The following SAMD12 variants were observed in gnomAD, a reference collection of about 807,000 sequenced individuals.
The protein encoded by SAMD12 is sterile alpha motif domain-containing protein 12.
In SAMD12, 9 loss-of-function variants were observed where a neutral mutation model predicts 15.0. That is an observed-to-expected ratio of 0.60 (90% confidence interval 0.36 to 1.05). The LOEUF (loss-of-function observed/expected upper bound fraction) is 1.05. Ranked by LOEUF, SAMD12 falls within the 50% of genes least tolerant of loss-of-function variation. The pLI is 0.01. For synonymous variants in SAMD12, 86 were observed against 90.1 expected, an observed-to-expected ratio of 0.96 and a Z score of 0.25; for missense variants, 230 against 234.2, an observed-to-expected ratio of 0.98 and a Z score of 0.12.
chr8:118,560,876 T>G (rs1284760142), intron 2 of SAMD12, among the ~76,000 whole-genome samples: 2 of 152,148 alleles, frequency 1.3e-5, no homozygotes, highest in Non-Finnish European at 2.9e-5. Context: ...ACAAACTTAT[T>G]GTTTTAGAAA....
Position 118,439,935 on chromosome 8 carries a change from C to T in SAMD12, c.219G>A (p.Pro73=), listed in dbSNP as rs149400887. 37 of 1,613,482 alleles carry T rather than the reference C, an allele frequency of 2.3e-5. No homozygotes were observed. The highest frequency in any genetic ancestry group is 2.3e-4 in the African/African-American group (17 of 74,904). The change falls in exon 3 of 4, where the codon CCG becomes CCA. Residue 73 remains proline, a synonymous_variant. Transcript: ENST00000314727. ...AKSATVKLSK[P]VALWTQQDVC... ...CATCCTGCTGGGTCCATAGAGCCAC[C>T]GGTTTAGATAGCTTCACCGTAGCTG...
At chr8:118,157,964 C>G in the SAMD12 span, among the ~76,000 whole-genome samples, 1 of 152,188 alleles carries the variant, frequency 6.6e-6, no homozygotes, top group Non-Finnish European at 1.5e-5. Flanking sequence ...TGATTGAAGA[C>G]AGTTTCCAGG....
chr8:118,527,649 C>T (rs1825568845), intron 2 of SAMD12, among the ~76,000 whole-genome samples: 1 of 152,084 alleles, frequency 6.6e-6, no homozygotes, highest in Non-Finnish European at 1.5e-5. Flanking sequence ...CTGAAATGAT[C>T]TGAGAGTTTT....
At chr8:118,621,152 A>G (rs1463000860) in intron 1 of SAMD12, 4 of 152,394 alleles carry the variant, frequency 2.6e-5, no homozygotes, top group Non-Finnish European at 4.4e-5. Flanking sequence ...GAAGAAAGTG[A>G]TCTTCAAAGA....
chr8:118,408,481 G>T (rs1821242695), intron 3 of SAMD12, among the ~76,000 whole-genome samples: 2 of 152,276 alleles, frequency 1.3e-5, no homozygotes, highest in South Asian at 4.2e-4. Context: ...TGGGTCGGAG[G>T]TGGACAGAAT....
At chr8:118,455,549 A>T (rs551701418) in intron 2 of SAMD12, among the ~76,000 whole-genome samples, 5 of 152,090 alleles carry the variant, frequency 3.3e-5, no homozygotes, top group Non-Finnish European at 7.3e-5. Context: ...GGTAGTTTCA[A>T]GTCCCACTGG....
At chr8:118,440,105 T>C (rs969454985) in intron 2 of SAMD12, 144 bp from the exon 3 acceptor site, 31 of 750,324 alleles carry the variant, frequency 4.1e-5, no homozygotes, top group Admixed American at 2.6e-4. Context: ...CTAACCTCTG[T>C]AGACCTTCTC....
intron 2 of SAMD12, among the ~76,000 whole-genome samples, chr8:118,454,577 G>A (rs1295535303): frequency 2.0e-5 from 3 of 152,012 alleles, no homozygotes; most frequent in African/African-American, 7.2e-5. Flanking sequence ...CTAAATATTG[G>A]ATCTTTCAAA....
chr8:118,532,398 C>CCT (rs1554681275), intron 2 of SAMD12, among the ~76,000 whole-genome samples: 1 of 151,502 alleles, frequency 6.6e-6, no homozygotes, highest in African/African-American at 2.4e-5. Flanking sequence ...CTAAAATTCT[C>CCT]TTTTTTTTGT....
chr8:118,481,989 T>C (rs1824140302), intron 2 of SAMD12, among the ~76,000 whole-genome samples: 1 of 152,216 alleles, frequency 6.6e-6, no homozygotes, highest in African/African-American at 2.4e-5. Context: ...ACAACAATTA[T>C]TTCCATTTTA....
At chr8:118,180,632 G>A in the SAMD12 span, among the ~76,000 whole-genome samples, 2 of 152,144 alleles carry the variant, frequency 1.3e-5, no homozygotes, top group East Asian at 3.9e-4. Flanking sequence ...GAGTGCAGTG[G>A]TGTGATGCTG....
intron 4 of SAMD12, among the ~76,000 whole-genome samples, chr8:118,212,701 A>G (rs1039064148): frequency 6.6e-6 from 1 of 152,214 alleles, no homozygotes; most frequent in Non-Finnish European, 1.5e-5. Context: ...TTCAATGCCA[A>G]ATTATAGTAT....
intron 1 of SAMD12, among the ~76,000 whole-genome samples, chr8:118,587,443 G>C (rs1331062485): frequency 6.6e-6 from 1 of 152,092 alleles, no homozygotes; most frequent in Admixed American, 6.6e-5. Flanking sequence ...TCTCATTTTT[G>C]CCACCTACTG....
chr8:118,481,945 G>A (rs906678988), intron 2 of SAMD12, among the ~76,000 whole-genome samples: 5 of 152,064 alleles, frequency 3.3e-5, no homozygotes, highest in Non-Finnish European at 7.4e-5. Flanking sequence ...ATATTAACTC[G>A]TTTAATTTCC....
At chr8:118,555,129 T>C (rs910173115) in intron 2 of SAMD12, among the ~76,000 whole-genome samples, 1 of 152,198 alleles carries the variant, frequency 6.6e-6, no homozygotes, top group Non-Finnish European at 1.5e-5. Context: ...TGTTATTGGT[T>C]AGCAGAGCAA....
intron 1 of SAMD12, among the ~76,000 whole-genome samples, chr8:118,611,298 A>G (rs1828104993): frequency 6.6e-6 from 1 of 152,204 alleles, no homozygotes; most frequent in Non-Finnish European, 1.5e-5. Context: ...ACAATGTAAA[A>G]AGGCTTAGAA....
intron 2 of SAMD12, among the ~76,000 whole-genome samples, chr8:118,574,946 G>A (rs1020915770): frequency 6.6e-6 from 1 of 152,142 alleles, no homozygotes; most frequent in Non-Finnish European, 1.5e-5. Context: ...CCTTCTCAAA[G>A]GCAGCTAAGC....
chr8:118,592,151 G>A (rs1040114892), intron 1 of SAMD12, among the ~76,000 whole-genome samples: 6 of 152,110 alleles, frequency 3.9e-5, no homozygotes, highest in African/African-American at 1.2e-4. Flanking sequence ...GAGAAACCCT[G>A]TCTCTACTAA....
At chr8:118,444,305 T>TTTATTTTGC (rs59124557) in intron 2 of SAMD12, among the ~76,000 whole-genome samples, 3,676 of 152,192 alleles carry the variant, frequency 0.024, 134 homozygotes, top group African/African-American at 0.084. Context: ...ACAATTTTGG[T>TTTATTTTGC]TTATTTTGCT....
Sources: allele counts gnomAD v4.1 joint callset (sites outside exome capture counted in the v4.1 genomes callset), GRCh38; gene constraint gnomAD v4.1.1; transcripts MANE v1.5; gene names NCBI Gene and HGNC (gene_info 2026-07-23, HGNC 2026-07-21).